SCHIP1: variants seen among roughly 807,000 people sequenced by gnomAD.
SCHIP1 encodes schwannomin interacting protein 1, also known as schwannomin-interacting protein 1.
Under a neutral mutation model 29.7 loss-of-function variants are expected in SCHIP1, and 8 were observed. The observed-to-expected ratio is 0.27, with a 90% CI of 0.16 to 0.49. SCHIP1 has a LOEUF of 0.49. Among genes scored for constraint, SCHIP1 ranks in the 20% least tolerant of loss-of-function variants. The pLI, the probability that SCHIP1 is intolerant of heterozygous loss-of-function variation, is 0.99. For missense variants in SCHIP1, 193 were observed against 294.6 expected (o/e 0.66, Z 2.52); for synonymous variants, 76 against 94.9 (o/e 0.80, Z 1.16).
the SCHIP1 span, among the ~76,000 whole-genome samples, chr3:159,812,145 A>G: frequency 1.3e-5 from 2 of 151,224 alleles, no homozygotes; most frequent in Admixed American, 1.3e-4. Context: ...TAATTTTTGT[A>G]TTTTTAGTAG....
chr3:159,630,628 CTA>C, the SCHIP1 span, among the ~76,000 whole-genome samples: 15 of 112,896 alleles, frequency 1.3e-4, no homozygotes, highest in African/African-American at 1.3e-3. Flanking sequence ...TGGAGCTAAG[CTA>C]TGAGGACACA....
At chr3:159,384,558 G>T in the SCHIP1 span, among the ~76,000 whole-genome samples, 286 of 150,424 alleles carry the variant, frequency 1.9e-3, 1 homozygote, top group Admixed American at 4.3e-3. Context: ...AAGGATATTG[G>T]TCTAAAATTC....
chr3:159,611,808 C>T, the SCHIP1 span, among the ~76,000 whole-genome samples: 1 of 152,092 alleles, frequency 6.6e-6, no homozygotes, highest in Non-Finnish European at 1.5e-5. Flanking sequence ...AGATGCCCAT[C>T]AAATACACCA....
At chr3:159,415,765 TA>T in the SCHIP1 span, among the ~76,000 whole-genome samples, 1 of 152,164 alleles carries the variant, frequency 6.6e-6, no homozygotes, top group South Asian at 2.1e-4. Flanking sequence ...GAAGATTAAA[TA>T]AAAATATACA....
the SCHIP1 span, among the ~76,000 whole-genome samples, chr3:159,285,895 CT>C: frequency 4.6e-5 from 7 of 152,048 alleles, no homozygotes; most frequent in African/African-American, 1.7e-4. Flanking sequence ...AGTTTCTCCC[CT>C]ATCTCATTAT....
At chr3:159,746,253 T>C in the SCHIP1 span, among the ~76,000 whole-genome samples, 1 of 152,260 alleles carries the variant, frequency 6.6e-6, no homozygotes, top group East Asian at 1.9e-4. Flanking sequence ...CCTATCATTG[T>C]CTTGTCATTT....
the SCHIP1 span, among the ~76,000 whole-genome samples, chr3:159,561,608 A>G: frequency 6.6e-6 from 1 of 152,134 alleles, no homozygotes; most frequent in African/African-American, 2.4e-5. Context: ...GTAATTTGCT[A>G]TTTAAAGAAA....
the SCHIP1 span, chr3:159,808,409 A>G: frequency 1.3e-5 from 2 of 152,248 alleles, no homozygotes; most frequent in African/African-American, 4.8e-5. Context: ...ACAAATGTTC[A>G]TGTGGCAAGG....
At chr3:159,534,118 T>C in the SCHIP1 span, among the ~76,000 whole-genome samples, 3 of 152,232 alleles carry the variant, frequency 2.0e-5, no homozygotes, top group Non-Finnish European at 2.9e-5. Context: ...ATGTACATTC[T>C]GTTTATTTCA....
the SCHIP1 span, chr3:159,309,292 C>T: frequency 3.0e-5 from 5 of 168,494 alleles, no homozygotes; most frequent in East Asian, 5.7e-4. Flanking sequence ...AGGTTAGTCA[C>T]GTTTAAAATA....
the SCHIP1 span, among the ~76,000 whole-genome samples, chr3:159,506,328 G>A: frequency 6.6e-6 from 1 of 152,092 alleles, no homozygotes; most frequent in Non-Finnish European, 1.5e-5. Context: ...TTTATTTCTT[G>A]TAAATTTGTT....
chr3:159,816,191 C>T, the SCHIP1 span, among the ~76,000 whole-genome samples: 8 of 152,080 alleles, frequency 5.3e-5, no homozygotes, highest in Non-Finnish European at 8.8e-5. Flanking sequence ...TCAAGTGATC[C>T]ACCTGCCTCA....
the SCHIP1 span, among the ~76,000 whole-genome samples, chr3:159,811,974 GT>G: frequency 7.2e-5 from 10 of 138,616 alleles, 1 homozygote; most frequent in Middle Eastern, 3.7e-3. Flanking sequence ...TTTTGTTTTT[GT>G]TTTTGTTTTT....
At chr3:159,715,626 T>C in the SCHIP1 span, among the ~76,000 whole-genome samples, 6 of 152,190 alleles carry the variant, frequency 3.9e-5, no homozygotes, top group Non-Finnish European at 1.5e-5. Flanking sequence ...AGTAGCCAAT[T>C]TGATCAACTG....
chr3:159,384,266 AT>A, the SCHIP1 span, among the ~76,000 whole-genome samples: 682 of 151,486 alleles, frequency 4.5e-3, 7 homozygotes, highest in Non-Finnish European at 6.9e-3. Context: ...AGCTCTTATT[AT>A]TTTGAGATAC....
the SCHIP1 span, among the ~76,000 whole-genome samples, chr3:159,515,506 A>G: frequency 7.7e-4 from 118 of 152,332 alleles, no homozygotes; most frequent in Non-Finnish European, 1.1e-3. Flanking sequence ...TGATTTCTTC[A>G]TTTGTAAAAT....
chr3:159,456,549 A>T, the SCHIP1 span, among the ~76,000 whole-genome samples: 1 of 152,164 alleles, frequency 6.6e-6, no homozygotes, highest in Non-Finnish European at 1.5e-5. Flanking sequence ...TCACATTTTA[A>T]ATGATACATG....
chr3:159,621,685 G>T, the SCHIP1 span, among the ~76,000 whole-genome samples: 3 of 150,876 alleles, frequency 2.0e-5, no homozygotes, highest in East Asian at 5.9e-4. Flanking sequence ...TTTTTTTTGA[G>T]ACAGAGTTTC....
At chr3:159,519,043 C>T in the SCHIP1 span, among the ~76,000 whole-genome samples, 1 of 151,910 alleles carries the variant, frequency 6.6e-6, no homozygotes, top group African/African-American at 2.4e-5. Flanking sequence ...CTCTATAATA[C>T]TAATAATGTA....
Sources: gnomAD v4.1 joint callset for allele counts (sites outside exome capture counted in the v4.1 genomes callset) on GRCh38, gnomAD v4.1.1 for gene constraint, MANE v1.5 for transcripts, NCBI Gene and HGNC (gene_info 2026-07-23, HGNC 2026-07-21) for gene names.